Variants in PHACTR3 observed in about 807,000 individuals in gnomAD.
PHACTR3 encodes protein phosphatase 1, regulatory subunit 123.
PHACTR3 carries 16 observed loss-of-function variants against 66.8 expected under a neutral mutation model. The observed-to-expected ratio is 0.24, with a 90% CI of 0.16 to 0.36. The LOEUF (loss-of-function observed/expected upper bound fraction) is 0.36, where lower values mean the gene tolerates loss of function less well. PHACTR3 is among the 10% of genes least tolerant of loss of function. The pLI is 1.00. For synonymous variants in PHACTR3, 323 were observed against 292.1 expected, an observed-to-expected ratio of 1.11 and a Z score of -1.08; for missense variants, 647 against 719.9, an observed-to-expected ratio of 0.90 and a Z score of 1.16.
intron 8 of PHACTR3, among the ~76,000 whole-genome samples, chr20:59,834,187 G>A (rs2042461092): frequency 6.6e-6 from 1 of 152,204 alleles, no homozygotes; most frequent in Non-Finnish European, 1.5e-5. Flanking sequence ...GCTCACTCTT[G>A]CTGGGCTTCA....
At chr20:59,679,000 C>T (rs2036552251) in intron 1 of PHACTR3, among the ~76,000 whole-genome samples, 3 of 152,148 alleles carry the variant, frequency 2.0e-5, no homozygotes. Flanking sequence ...TCACAAGTTC[C>T]CAGGTGATGC....
At chr20:59,585,194 A>T (rs2032986524) in intron 1 of PHACTR3, among the ~76,000 whole-genome samples, 1 of 152,116 alleles carries the variant, frequency 6.6e-6, no homozygotes, top group African/African-American at 2.4e-5. Context: ...TCACAGTCCC[A>T]CTTCTGCCTT....
chr20:59,577,523 C>T (rs889757185), exon 1 of PHACTR3: 27 of 1,146,916 alleles, frequency 2.4e-5, no homozygotes, highest in Admixed American at 4.9e-5. Context: ...GTGGCCGTGG[C>T]GGGGGGCGCG....
intron 1 of PHACTR3, among the ~76,000 whole-genome samples, chr20:59,621,156 T>C (rs2034221303): frequency 6.6e-6 from 1 of 152,244 alleles, no homozygotes; most frequent in Non-Finnish European, 1.5e-5. Context: ...GCTGAGGTGC[T>C]TGCTGTGCAG....
At chr20:59,607,131 T>C (rs954219002) in intron 1 of PHACTR3, among the ~76,000 whole-genome samples, 2 of 152,154 alleles carry the variant, frequency 1.3e-5, no homozygotes, top group Non-Finnish European at 2.9e-5. Context: ...ATACTTCTTT[T>C]GATGGTGGAC....
intron 4 of PHACTR3, among the ~76,000 whole-genome samples, chr20:59,756,749 T>C (rs1037411181): frequency 1.3e-5 from 2 of 152,106 alleles, no homozygotes. Context: ...TGTATACATG[T>C]GCCACGTTGG....
At chr20:59,589,710 C>A (rs960880205) in intron 1 of PHACTR3, among the ~76,000 whole-genome samples, 1 of 152,162 alleles carries the variant, frequency 6.6e-6, no homozygotes, top group Admixed American at 6.5e-5. Flanking sequence ...AGGAAACGTC[C>A]ACATTGAACT....
chr20:59,840,557 T>A, intron 10 of PHACTR3, 127 bp downstream of exon 10: 1 of 1,378,104 alleles, frequency 7.3e-7, no homozygotes, highest in Non-Finnish European at 9.8e-7. Flanking sequence ...CTGGACATCA[T>A]GGCATCAGTT....
At chr20:59,797,230 G>A (rs2041274384) in intron 7 of PHACTR3, among the ~76,000 whole-genome samples, 1 of 151,980 alleles carries the variant, frequency 6.6e-6, no homozygotes, top group Admixed American at 6.5e-5. Flanking sequence ...ATCATAAATT[G>A]TTTTCCTGAT....
chr20:59,646,533 G>A (rs2035285502), intron 1 of PHACTR3, among the ~76,000 whole-genome samples: 1 of 152,112 alleles, frequency 6.6e-6, no homozygotes, highest in Non-Finnish European at 1.5e-5. Context: ...TGAAAATGAA[G>A]CTTGTTTGTC....
intron 7 of PHACTR3, among the ~76,000 whole-genome samples, chr20:59,804,331 G>T (rs1163208760): frequency 6.6e-6 from 1 of 152,164 alleles, no homozygotes; most frequent in East Asian, 1.9e-4. Flanking sequence ...GAGCAAATAC[G>T]ATTGAAAGTA....
At chr20:59,674,094 A>T (rs993581404) in intron 1 of PHACTR3, among the ~76,000 whole-genome samples, 1 of 151,880 alleles carries the variant, frequency 6.6e-6, no homozygotes, top group African/African-American at 2.4e-5. Context: ...AGGGGCAGGA[A>T]TCGGGAGCCA....
intron 1 of PHACTR3, among the ~76,000 whole-genome samples, chr20:59,683,909 G>A (rs2036759328): frequency 6.6e-6 from 1 of 152,208 alleles, no homozygotes; most frequent in Non-Finnish European, 1.5e-5. Context: ...AAGGAAGCTT[G>A]GGGTCCAGCT....
At chr20:59,812,074 G>T (rs2041751888) in intron 8 of PHACTR3, among the ~76,000 whole-genome samples, 2 of 152,250 alleles carry the variant, frequency 1.3e-5, no homozygotes, top group African/African-American at 4.8e-5. Context: ...AATGAATGCT[G>T]CTGCATGAAC....
chr20:59,584,748 C>T (rs1434970203), intron 1 of PHACTR3, among the ~76,000 whole-genome samples: 5 of 152,154 alleles, frequency 3.3e-5, no homozygotes, highest in Non-Finnish European at 5.9e-5. Context: ...ACGGAAGGCT[C>T]CTGGCCTCCC....
rs1447894810 is a variant in PHACTR3 at position 59,820,059 on chromosome 20, G to T, written c.1328+13865G>T. ...TTGCTGGGGCTTCCGGTCTCTCTTT[G>T]TTTAGAAATCTCAGGGCAAGTGGAG... On this transcript the variant is annotated intron_variant, in intron 8 of 12. Coordinates refer to ENST00000371015, the MANE Select transcript of PHACTR3 (RefSeq NM_080672.5). This position sits in a 1 kb window ranked among gnomAD's most constrained non-coding sequence, Gnocchi z 4.6. Among the ~76,000 whole-genome samples, 1 of 152,188 alleles carries T rather than the reference G, an allele frequency of 6.6e-6. No individual in the cohort carries two copies. The highest frequency in any genetic ancestry group is 1.5e-5 in the Non-Finnish European group (1 of 68,030).
intron 6 of PHACTR3, among the ~76,000 whole-genome samples, chr20:59,773,958 CCTT>C (rs1301727782): frequency 6.6e-6 from 1 of 152,224 alleles, no homozygotes; most frequent in African/African-American, 2.4e-5. Context: ...AACAAAATGT[CCTT>C]CTCAGTTTTT....
At chr20:59,749,233 T>C (rs1189559818) in intron 3 of PHACTR3, among the ~76,000 whole-genome samples, 1 of 152,166 alleles carries the variant, frequency 6.6e-6, no homozygotes, top group Non-Finnish European at 1.5e-5. Context: ...CCAACAAGCA[T>C]ACCTTTGGAT....
chr20:59,598,476 A>G (rs541447631), intron 1 of PHACTR3, among the ~76,000 whole-genome samples: 3 of 152,210 alleles, frequency 2.0e-5, no homozygotes, highest in African/African-American at 7.2e-5. Flanking sequence ...AGACAGCTTG[A>G]GTGGACTTGA....
Sources: gnomAD v4.1 joint callset for allele counts (sites outside exome capture counted in the v4.1 genomes callset) on GRCh38, gnomAD v4.1.1 for gene constraint, Gnocchi (gnomAD v3.1) non-coding constraint, MANE v1.5 for transcripts, NCBI Gene and HGNC (gene_info 2026-07-23, HGNC 2026-07-21) for gene names.